The following ACTN2 variants were observed in gnomAD, a reference collection of about 807,000 sequenced individuals.
ACTN2 encodes alpha-actinin-2.
ACTN2 carries 39 observed loss-of-function variants against 113.8 expected under a neutral mutation model. The observed-to-expected ratio is 0.34, with a 90% confidence interval of 0.27 to 0.45. The LOEUF is 0.45. Ranked by LOEUF, ACTN2 falls within the 20% of genes least tolerant of loss-of-function variation. The pLI, the probability that ACTN2 is intolerant of heterozygous loss-of-function variation, is 1.00. For missense variants in ACTN2, 992 were observed against 1,177.9 expected, an observed-to-expected ratio of 0.84 and a Z score of 2.31; for synonymous variants, 429 against 444.1, an observed-to-expected ratio of 0.97 and a Z score of 0.43.
intron 6 of ACTN2, among the ~76,000 whole-genome samples, chr1:236,728,668 A>T (rs1658630952): frequency 6.6e-6 from 1 of 152,086 alleles, no homozygotes. Context: ...GAAAACTGCA[A>T]TTCTGCCTTT....
Position 236,754,929 on chromosome 1 carries a change from T to G in ACTN2, c.1975-90T>G. The G allele has an allele frequency of 6.6e-7, 1 of 1,508,138 alleles. No homozygotes were observed. Among genetic ancestry groups the G allele is most frequent in the Non-Finnish European group, 9.2e-7 (1 of 1,085,420 alleles). The allele number at this position is 1,508,138 out of a possible 1,614,324, so 93.4% of individuals were successfully genotyped here. A position where few individuals can be genotyped will look rare whatever the true frequency, so the allele number is the denominator to read the frequency against. Reference sequence around the variant, plus strand: ...TGCCTGACGCTGGCCTAGCATCCCATGCAGGGTCTGGAACGGCGCCTCGTG... The same window carrying G: ...TGCCTGACGCTGGCCTAGCATCCCAGGCAGGGTCTGGAACGGCGCCTCGTG... On this transcript the variant is annotated intron_variant, in intron 16 of 20. Transcript: ENST00000366578. This position sits in a 1 kb window ranked among gnomAD's most constrained non-coding sequence, Gnocchi z 4.9.
intron 12 of ACTN2, among the ~76,000 whole-genome samples, chr1:236,746,066 T>C (rs1015701316): frequency 6.8e-6 from 1 of 146,998 alleles, no homozygotes; most frequent in Non-Finnish European, 1.5e-5. Context: ...CTCAGGAGGC[T>C]GAGGCAGGAG....
intron 1 of ACTN2, 92 bp from the exon 2 acceptor site, chr1:236,717,766 C>T: frequency 1.1e-6 from 1 of 876,076 alleles, no homozygotes; most frequent in Non-Finnish European, 1.9e-6. Context: ...TTGTAGATTC[C>T]CAAGAACGTG....
chr1:236,705,742 A>G (rs1193569905), intron 1 of ACTN2, among the ~76,000 whole-genome samples: 2 of 152,190 alleles, frequency 1.3e-5, no homozygotes, highest in Admixed American at 6.5e-5. Flanking sequence ...TCCTTTCTGG[A>G]AGTTATGGGG....
At chr1:236,742,013 C>G (rs1014903395) in intron 10 of ACTN2, among the ~76,000 whole-genome samples, 22 of 152,082 alleles carry the variant, frequency 1.4e-4, no homozygotes, top group African/African-American at 5.3e-4. Context: ...CTTGGGCGTT[C>G]GAGTTTTTTC....
At chr1:236,701,596 A>G (rs1657679929) in intron 1 of ACTN2, among the ~76,000 whole-genome samples, 1 of 152,158 alleles carries the variant, frequency 6.6e-6, no homozygotes. Flanking sequence ...ATATGGTTTT[A>G]TAAATGTCAT....
chr1:236,725,351 G>C (rs1325633866), intron 4 of ACTN2, among the ~76,000 whole-genome samples: 3 of 152,098 alleles, frequency 2.0e-5, no homozygotes, highest in African/African-American at 7.2e-5. Context: ...TTTTCAGCTG[G>C]GCACAGTAGC....
chr1:236,734,790 T>G (rs1426310340), intron 7 of ACTN2, among the ~76,000 whole-genome samples: 1 of 152,228 alleles, frequency 6.6e-6, no homozygotes, highest in East Asian at 1.9e-4. Flanking sequence ...ACCCAATGAC[T>G]AGGTTTCACC....
chr1:236,713,028 T>G (rs958858145), intron 1 of ACTN2, among the ~76,000 whole-genome samples: 2 of 151,998 alleles, frequency 1.3e-5, no homozygotes, highest in African/African-American at 4.8e-5. Flanking sequence ...AAAGTAATTT[T>G]ACTTGCTGAA....
At chr1:236,715,191 T>C (rs1247695632) in intron 1 of ACTN2, among the ~76,000 whole-genome samples, 5 of 151,244 alleles carry the variant, frequency 3.3e-5, no homozygotes, top group Non-Finnish European at 7.4e-5. Context: ...AGGTTTAGGG[T>C]ACATGTGCAC....
chr1:236,717,810 C>A, intron 1 of ACTN2, 48 bp from the exon 2 acceptor site: 1 of 1,348,340 alleles, frequency 7.4e-7, no homozygotes, highest in Non-Finnish European at 1.1e-6. Flanking sequence ...AGGAAGGGAT[C>A]TGAAATCCGA....
intron 15 of ACTN2, among the ~76,000 whole-genome samples, chr1:236,752,930 G>A (rs10754582): frequency 0.82 from 124,691 of 152,236 alleles, 51,420 homozygotes; most frequent in South Asian, 0.88. Flanking sequence ...TTTTGTTAAA[G>A]AAAACAAAAA....
rs1251167126 is a variant in ACTN2 at position 236,737,165 on chromosome 1, A to C, written c.827A>C (p.Asn276Thr). The change falls in exon 9 of 21, where the codon AAT (asparagine) becomes ACT (threonine). Residue 276 changes from asparagine to threonine, a missense_variant. Around this residue, in one of 3 missense-constraint regions of ACTN2, gnomAD observed 220 missense variants for 337.5 expected, o/e 0.65. Coordinates refer to ENST00000366578, the MANE Select transcript of ACTN2 (RefSeq NM_001103.4). The stretch of plus-strand genomic sequence containing the variant: ...AGGATATGTAAGGTTCTTGCTGTGA[A>C]TCAAGAGAATGAGAGGCTGATGGAA... ...ANRICKVLAV[N>T]QENERLMEEY... 6.2e-7 allele frequency: 1 copy of C among 1,608,062 alleles called. No homozygotes were observed. Among genetic ancestry groups the C allele is most frequent in the Non-Finnish European group, 8.5e-7 (1 of 1,176,354 alleles).
At chr1:236,726,527 T>A (rs974038465) in intron 5 of ACTN2, among the ~76,000 whole-genome samples, 3 of 152,198 alleles carry the variant, frequency 2.0e-5, no homozygotes, top group Non-Finnish European at 2.9e-5. Flanking sequence ...AATCTCGACA[T>A]CAGGGGAGAG....
chr1:236,736,961 C>CGCATAA, intron 8 of ACTN2, 161 bp from the exon 9 acceptor site: 1 of 657,096 alleles, frequency 1.5e-6, no homozygotes, highest in African/African-American at 1.8e-5. Flanking sequence ...ATTCATAGTA[C>CGCATAA]GCATAAGCCA....
At chr1:236,728,373 G>C (rs1049252915) in intron 6 of ACTN2, among the ~76,000 whole-genome samples, 9 of 152,112 alleles carry the variant, frequency 5.9e-5, no homozygotes, top group Non-Finnish European at 1.0e-4. Context: ...TCGATCTCCT[G>C]AGCTCGTGAT....
At chr1:236,751,395 C>A in intron 14 of ACTN2, 75 bp from the exon 15 acceptor site, 2 of 1,533,844 alleles carry the variant, frequency 1.3e-6, no homozygotes, top group Non-Finnish European at 1.8e-6. Flanking sequence ...TACTTGTGTG[C>A]GGAAAGGAAT....
In ACTN2 at chr1:236,751,671, G is replaced by A; in HGVS notation, c.1839+19G>A. 6.2e-7 allele frequency: 1 copy of A among 1,613,854 alleles called. No homozygotes were observed. The highest frequency in any genetic ancestry group is 8.5e-7 in the Non-Finnish European group (1 of 1,179,814). On this transcript the variant is annotated intron_variant, in intron 15 of 20. Transcript: ENST00000366578. The stretch of plus-strand genomic sequence containing the variant: ...GGACAAGGTGGGTGGCTGAGGGCCT[G>A]GTGTGGGACCAGGGGGCATTCTTGA...
chr1:236,706,111 CTT>C (rs5781915), intron 1 of ACTN2, among the ~76,000 whole-genome samples: 8 of 147,662 alleles, frequency 5.4e-5, no homozygotes, highest in South Asian at 2.2e-4. Flanking sequence ...AAGGTATTTT[CTT>C]TTTTTTTTTT....
Sources: gnomAD v4.1 joint callset for allele counts (sites outside exome capture counted in the v4.1 genomes callset) on GRCh38, gnomAD v4.1.1 for gene constraint, gnomAD v4.1.1 regional missense constraint, Gnocchi (gnomAD v3.1) non-coding constraint, MANE v1.5 for transcripts, NCBI Gene and HGNC (gene_info 2026-07-23, HGNC 2026-07-21) for gene names.